PKHD1: variants seen among roughly 807,000 people sequenced by gnomAD.
PKHD1 encodes the protein PKHD1 ciliary IPT domain containing fibrocystin/polyductin, also known as fibrocystin.
PKHD1 carries 291 observed loss-of-function variants against 412.0 expected under a neutral mutation model. The ratio of observed to expected loss-of-function variants is 0.71; its 90% CI spans 0.64 to 0.78. PKHD1 has a LOEUF of 0.78. Among genes scored for constraint, PKHD1 ranks in the 30% least tolerant of loss-of-function variants. PKHD1 has a pLI of 0.00. For missense variants in PKHD1, 4,825 were observed against 4,950.7 expected (o/e 0.97, Z 0.76); for synonymous variants, 1,777 against 1,821.5 (o/e 0.98, Z 0.62).
intron 52 of PKHD1, among the ~76,000 whole-genome samples, chr6:51,819,148 A>G (rs1765963589): frequency 6.6e-6 from 1 of 152,154 alleles, no homozygotes; most frequent in Non-Finnish European, 1.5e-5. Flanking sequence ...GTTTCCCTGA[A>G]TCCTCAGCAT....
rs769559267 is a variant in PKHD1, at chr6:51,659,052, G to C, written c.11074C>G (p.Arg3692Gly). ...CCAGTCTGTTGAGCAGTGATGACTCGATGAGCCAAATTCTGTAATTTGTTA... is the reference window on the plus strand; with the variant it reads ...CCAGTCTGTTGAGCAGTGATGACTCCATGAGCCAAATTCTGTAATTTGTTA... ...SSNKLQNLAH[R>G]VITAQQTGVL... is the part of the protein sequence containing the mutation. Residue 3692 changes from arginine to glycine, a missense_variant, in exon 61 of 67, where the codon CGA becomes GGA. Coordinates refer to ENST00000371117, the MANE Select transcript of PKHD1 (RefSeq NM_138694.4). 4 of 1,613,298 alleles carry C rather than the reference G, an allele frequency of 2.5e-6. No homozygotes were observed. The highest frequency in any genetic ancestry group is 3.4e-6 in the Non-Finnish European group (4 of 1,179,398).
chr6:51,756,386 G>C (rs1470479295), intron 55 of PKHD1, among the ~76,000 whole-genome samples: 1 of 152,106 alleles, frequency 6.6e-6, no homozygotes, highest in Non-Finnish European at 1.5e-5. Flanking sequence ...TACTGATAAA[G>C]TCCAGCATTT....
intron 60 of PKHD1, among the ~76,000 whole-genome samples, chr6:51,668,031 TC>T (rs1474509287): frequency 1.3e-5 from 2 of 152,156 alleles, no homozygotes; most frequent in Non-Finnish European, 2.9e-5. Flanking sequence ...TGATGCAGGC[TC>T]TTTTTTGGTT....
chr6:52,024,546 A>G, intron 32 of PKHD1, 28 bp downstream of exon 32: 1 of 1,600,482 alleles, frequency 6.2e-7, no homozygotes, highest in Non-Finnish European at 8.6e-7. Context: ...ACATAAAGAA[A>G]GTGTGCTGTC....
chr6:51,886,523 G>C (rs940136947), intron 44 of PKHD1, among the ~76,000 whole-genome samples: 2 of 152,168 alleles, frequency 1.3e-5, no homozygotes, highest in African/African-American at 4.8e-5. Context: ...GGGACACTGT[G>C]CTGGGTGAGG....
chr6:51,904,364 T>A (rs1781749549), intron 41 of PKHD1, among the ~76,000 whole-genome samples: 1 of 152,164 alleles, frequency 6.6e-6, no homozygotes, highest in Non-Finnish European at 1.5e-5. Flanking sequence ...ACTGGCCACC[T>A]GCTATCTGCA....
At chr6:52,051,219 C>T (rs1158356201) in intron 21 of PKHD1, among the ~76,000 whole-genome samples, 1 of 152,194 alleles carries the variant, frequency 6.6e-6, no homozygotes, top group Admixed American at 6.5e-5. Context: ...TCCTTTTAGC[C>T]TTGGTTTCCC....
chr6:51,647,198 TTAATA>T (rs1770201818), intron 63 of PKHD1, among the ~76,000 whole-genome samples: 1 of 152,202 alleles, frequency 6.6e-6, no homozygotes, highest in African/African-American at 2.4e-5. Flanking sequence ...TCGTAATAAA[TTAATA>T]TGTGTCTCTT....
chr6:51,740,811 T>C (rs1004671721), intron 60 of PKHD1, among the ~76,000 whole-genome samples: 2 of 152,248 alleles, frequency 1.3e-5, no homozygotes, highest in African/African-American at 2.4e-5. Flanking sequence ...CACCATTTAC[T>C]ATGTGCTGTC....
chr6:52,058,207 T>G (rs1582010249), intron 16 of PKHD1, 116 bp downstream of exon 16: 2 of 916,668 alleles, frequency 2.2e-6, no homozygotes, highest in East Asian at 4.8e-5. Flanking sequence ...CCTATTTCTT[T>G]GACAGCAAGG....
At chr6:51,828,782 A>G (rs1767757333) in intron 52 of PKHD1, among the ~76,000 whole-genome samples, 1 of 152,012 alleles carries the variant, frequency 6.6e-6, no homozygotes, top group East Asian at 1.9e-4. Context: ...GCAGAAAACA[A>G]AGGTAGATTC....
intron 36 of PKHD1, among the ~76,000 whole-genome samples, chr6:51,949,988 C>T (rs1437189807): frequency 6.6e-6 from 1 of 151,886 alleles, no homozygotes; most frequent in Non-Finnish European, 1.5e-5. Context: ...CCCTGTTCTT[C>T]CTTTAATTAA....
rs746323750 is a variant in PKHD1 at position 51,883,217 on chromosome 6, C to T, written c.7226G>A (p.Ser2409Asn). The T allele has an allele frequency of 1.2e-6, 2 of 1,613,504 alleles. No homozygotes were observed. The highest frequency in any genetic ancestry group is 1.7e-6 in the Non-Finnish European group (2 of 1,179,494). Residue 2409 changes from serine (S) to asparagine (N), a missense_variant, in exon 46 of 67, where the codon AGT becomes AAT. Ser to Asn is a conservative substitution (Grantham distance 46, BLOSUM62 1). Coordinates refer to ENST00000371117, the MANE Select transcript of PKHD1 (RefSeq NM_138694.4). ...GAAGTTTTTCAGGCGAAGATTGCTACTTCTAAAAATCTATAAAATACAGCA... is the reference window on the plus strand; with the variant it reads ...GAAGTTTTTCAGGCGAAGATTGCTATTTCTAAAAATCTATAAAATACAGCA... ...ESAGGAQIFR[S>N]SNLRLKNFKV...
intron 60 of PKHD1, among the ~76,000 whole-genome samples, chr6:51,708,501 C>T (rs1389301442): frequency 2.6e-5 from 4 of 152,178 alleles, no homozygotes; most frequent in Non-Finnish European, 4.4e-5. Flanking sequence ...TGTGTTACTG[C>T]CCTTAGAATC....
At position 51,659,543 on chromosome 6, in the gene PKHD1, T is replaced by C. The variant is rs886061612; in HGVS notation, c.10583A>G (p.Asn3528Ser). The change falls in exon 61 of 67, where the codon AAT (asparagine) becomes AGT (serine). Residue 3528 changes from asparagine (N) to serine (S), a missense_variant. Transcript: ENST00000371117. ...GAAATAGTTGGCACCAATAGATTCA[T>C]TCAGCAATAAGGAAGCTGACTGAAC... is the stretch of plus-strand genomic sequence containing the variant. Reference protein sequence around the residue: ...TLVQSASLLLNESIGANYFNI... With the variant: ...TLVQSASLLLSESIGANYFNI... 4.3e-6 allele frequency: 7 copies of C among 1,613,484 alleles called. No individual in the cohort carries two copies. The highest frequency in any genetic ancestry group is 2.7e-5 in the African/African-American group (2 of 74,884).
chr6:51,930,209 C>T (rs1750210234), intron 37 of PKHD1, among the ~76,000 whole-genome samples: 1 of 152,138 alleles, frequency 6.6e-6, no homozygotes, highest in South Asian at 2.1e-4. Flanking sequence ...TTGACTACAG[C>T]TACCCAAACC....
chr6:51,747,750 T>G (rs776078624), intron 58 of PKHD1, 37 bp downstream of exon 58: 7 of 1,579,942 alleles, frequency 4.4e-6, no homozygotes, highest in Non-Finnish European at 6.1e-6. Context: ...CATGGATGTA[T>G]GAAATGGCAC....
At chr6:51,678,176 T>C (rs1776144147) in intron 60 of PKHD1, among the ~76,000 whole-genome samples, 1 of 152,164 alleles carries the variant, frequency 6.6e-6, no homozygotes, top group South Asian at 2.1e-4. Context: ...AGACTTGCAT[T>C]GCAAGCTGGC....
intron 61 of PKHD1, among the ~76,000 whole-genome samples, chr6:51,650,718 C>T (rs1287261254): frequency 6.6e-6 from 1 of 152,040 alleles, no homozygotes. Context: ...GGGCAGAGTG[C>T]AAACATGTGG....
Sources: allele counts gnomAD v4.1 joint callset (sites outside exome capture counted in the v4.1 genomes callset), GRCh38; gene constraint gnomAD v4.1.1; transcripts MANE v1.5; gene names NCBI Gene and HGNC (gene_info 2026-07-23, HGNC 2026-07-21).